Variants in SMARCC1 observed in about 807,000 individuals in gnomAD.
SMARCC1 encodes SWI/SNF complex subunit SMARCC1.
SMARCC1 carries 43 observed loss-of-function variants against 147.4 expected under a neutral mutation model. The ratio of observed to expected loss-of-function variants is 0.29; its 90% CI spans 0.23 to 0.38. SMARCC1 has a LOEUF of 0.38. SMARCC1 is among the 10% of genes least tolerant of loss of function. SMARCC1 has a pLI of 1.00. For synonymous variants in SMARCC1, 495 were observed against 484.4 expected, an observed-to-expected ratio of 1.02 and a Z score of -0.29; for missense variants, 1,119 against 1,381.1, an observed-to-expected ratio of 0.81 and a Z score of 3.01.
intron 27 of SMARCC1, 112 bp downstream of exon 27, chr3:47,590,549 G>A: frequency 1.1e-6 from 1 of 873,228 alleles, no homozygotes; most frequent in Non-Finnish European, 1.6e-6. Context: ...GTCACAGACT[G>A]CATCATCCAT....
chr3:47,678,207 GCACA>G lies in SMARCC1; in HGVS notation c.1558_1561del (p.Cys520LeufsTer2). The G allele has an allele frequency of 6.3e-7, 1 of 1,592,658 alleles. No individual in the cohort carries two copies. Among genetic ancestry groups the G allele is most frequent in the Non-Finnish European group, 8.6e-7 (1 of 1,163,658 alleles). On this transcript the variant is annotated frameshift_variant, in exon 16 of 28. Coordinates refer to ENST00000254480, the MANE Select transcript of SMARCC1 (RefSeq NM_003074.4). LOFTEE classifies it high-confidence loss of function. ...AAGTCAAACAGTTTACCTCATCACA[GCACA>G]CACATCTCCAGTCAAGTTCCTCCGA...
At chr3:47,717,949 G>T (rs1559653237) in intron 7 of SMARCC1, among the ~76,000 whole-genome samples, 1 of 151,612 alleles carries the variant, frequency 6.6e-6, no homozygotes, top group Non-Finnish European at 1.5e-5. Flanking sequence ...AGGCCAGGAG[G>T]TTGAGACCAG....
chr3:47,655,898 G>A (rs1374503111), intron 21 of SMARCC1, among the ~76,000 whole-genome samples: 1 of 152,000 alleles, frequency 6.6e-6, no homozygotes, highest in East Asian at 1.9e-4. Flanking sequence ...AAAAAATGCT[G>A]GGAATATACT....
intron 2 of SMARCC1, among the ~76,000 whole-genome samples, chr3:47,766,756 A>C (rs2034845402): frequency 6.6e-6 from 1 of 152,042 alleles, no homozygotes; most frequent in East Asian, 1.9e-4. Context: ...TTTGTTTCAA[A>C]TCATGTGTTT....
chr3:47,622,192 A>G lies in SMARCC1; in HGVS notation c.2781+15T>C. The G allele has an allele frequency of 6.3e-7, 1 of 1,594,128 alleles. No homozygotes were observed. Among genetic ancestry groups the G allele is most frequent in the South Asian group, 1.2e-5 (1 of 86,222 alleles). On this transcript the variant is annotated intron_variant, in intron 25 of 27. Coordinates refer to ENST00000254480, the MANE Select transcript of SMARCC1 (RefSeq NM_003074.4). Reference sequence around the variant, plus strand: ...TTAATTGTGAAAAAGCCACTAAAAAATTCCAAATACTTACAGCTTCTTTCT... The same window carrying G: ...TTAATTGTGAAAAAGCCACTAAAAAGTTCCAAATACTTACAGCTTCTTTCT...
At chr3:47,654,657 T>A (rs2106726336) in intron 21 of SMARCC1, among the ~76,000 whole-genome samples, 1 of 152,324 alleles carries the variant, frequency 6.6e-6, no homozygotes, top group East Asian at 1.9e-4. Context: ...AGGATTTTGT[T>A]CTGTGTCGCA....
At position 47,587,174 on chromosome 3, in the gene SMARCC1, T is replaced by C. The variant is rs2108220523; in HGVS notation, c.*1035A>G. ...CTGTAACAAGAGGTAGTTTGGGGAC[T>C]TGTACCCCCAGCCATCCTAACCAAG... On this transcript the variant is annotated 3_prime_UTR_variant, in exon 28 of 28. Transcript: ENST00000254480. 1 of 152,720 alleles carries C rather than the reference T, an allele frequency of 6.5e-6. No individual in the cohort carries two copies. Among genetic ancestry groups the C allele is most frequent in the Admixed American group, 6.5e-5 (1 of 15,290 alleles). 9.5% of individuals were successfully genotyped at this position (152,720 alleles called of 1,614,324 possible). A position where few individuals can be genotyped will look rare whatever the true frequency, so the allele number is the denominator to read the frequency against.
intron 24 of SMARCC1, 124 bp downstream of exon 24, chr3:47,635,066 C>T (rs1046853202): frequency 1.7e-5 from 13 of 778,558 alleles, no homozygotes; most frequent in Middle Eastern, 3.8e-4. Context: ...CCTAGAAATG[C>T]CATTCAAGCA....
rs1212910099 is a variant in SMARCC1 at position 47,690,051 on chromosome 3, T to C, written c.1226-627A>G. 2.6e-5 allele frequency among the ~76,000 whole-genome samples: 4 copies of C among 152,276 alleles called. No homozygotes were observed. The East Asian group carries it at 7.7e-4, about 29-fold the overall frequency. ...ACCGCTGGCACTAGGTAAGGCATGA[T>C]GAAGTTCAAAAAGAACATGGGATGC... On this transcript the variant is annotated intron_variant, in intron 12 of 27. Coordinates refer to ENST00000254480, the MANE Select transcript of SMARCC1 (RefSeq NM_003074.4).
intron 5 of SMARCC1, 50 bp downstream of exon 5, chr3:47,735,983 CA>C (rs2034438313): frequency 2.4e-6 from 2 of 829,268 alleles, no homozygotes; most frequent in African/African-American, 3.5e-5. Context: ...CTTACAACTA[CA>C]AAATGAAGTG....
chr3:47,762,709 G>A (rs759121563), intron 2 of SMARCC1, among the ~76,000 whole-genome samples: 12 of 152,076 alleles, frequency 7.9e-5, no homozygotes, highest in Non-Finnish European at 1.5e-4. Context: ...ATCACCTGAG[G>A]TCAGGAGTTT....
At chr3:47,777,520 C>A (rs995401653) in intron 1 of SMARCC1, among the ~76,000 whole-genome samples, 1 of 151,776 alleles carries the variant, frequency 6.6e-6, no homozygotes, top group Non-Finnish European at 1.5e-5. Flanking sequence ...ACAGTAAGAC[C>A]CTGTCTCTAT....
chr3:47,696,612 G>T (rs527880507), intron 11 of SMARCC1, among the ~76,000 whole-genome samples: 15 of 150,630 alleles, frequency 1.0e-4, no homozygotes, highest in Middle Eastern at 3.2e-3. Context: ...TCTGCCTCCC[G>T]AGTTCAAGTG....
intron 24 of SMARCC1, among the ~76,000 whole-genome samples, chr3:47,632,705 G>T (rs1277247375): frequency 2.6e-5 from 4 of 152,114 alleles, no homozygotes; most frequent in Non-Finnish European, 5.9e-5. Flanking sequence ...TGTAAGAAAA[G>T]AATGTCCGAA....
chr3:47,702,756 G>A (rs1001358631), intron 10 of SMARCC1, among the ~76,000 whole-genome samples: 13 of 152,086 alleles, frequency 8.5e-5, no homozygotes, highest in Non-Finnish European at 1.9e-4. Flanking sequence ...ACACCATCAT[G>A]CCCAGACTAT....
chr3:47,683,651 G>C lies in SMARCC1; in HGVS notation c.1385+2398C>G, dbSNP rs192781802. ...GTGGATCACCTGAGGTCAGGAGTTC[G>C]AGACCAGCCTGGTGGTGAGCCGAGA... is the stretch of plus-strand genomic sequence containing the variant. On this transcript the variant is annotated intron_variant, in intron 14 of 27. Transcript: ENST00000254480. 4.0e-3 allele frequency among the ~76,000 whole-genome samples: 600 copies of C among 151,642 alleles called. 5 individuals are homozygous for C. The highest frequency in any genetic ancestry group is 0.013 in the African/African-American group (544 of 41,340).
intron 11 of SMARCC1, among the ~76,000 whole-genome samples, chr3:47,700,607 C>T (rs1422882663): frequency 6.6e-6 from 1 of 152,214 alleles, no homozygotes; most frequent in African/African-American, 2.4e-5. Context: ...CAACCTCCGC[C>T]TCCTGCAACC....
At chr3:47,733,275 C>A (rs1161245632) in intron 5 of SMARCC1, among the ~76,000 whole-genome samples, 2 of 151,892 alleles carry the variant, frequency 1.3e-5, no homozygotes, top group South Asian at 2.1e-4. Flanking sequence ...AGGAGCAGGG[C>A]GGCTGCGGGG....
Position 47,661,329 on chromosome 3 carries a change from A to G in SMARCC1, c.2285T>C (p.Ile762Thr). ...DPTYGLESSCIAGTGPDEPEK... is the reference protein window; with the variant it reads ...DPTYGLESSCTAGTGPDEPEK... Reference sequence around the variant, plus strand: ...TGGCTCATCGGGCCCTGTGCCTGCAATGCAGCTGCTCTCCAGACCGTAGGT... The same window carrying G: ...TGGCTCATCGGGCCCTGTGCCTGCAGTGCAGCTGCTCTCCAGACCGTAGGT... The change falls in exon 21 of 28, where the codon ATT (isoleucine) becomes ACT (threonine). Residue 762 changes from isoleucine (I) to threonine (T), a missense_variant. By Grantham distance (89) the Ile-to-Thr change is moderately conservative. Coordinates refer to ENST00000254480, the MANE Select transcript of SMARCC1 (RefSeq NM_003074.4). 1 of 1,613,512 alleles carries G rather than the reference A, an allele frequency of 6.2e-7. No homozygotes were observed. Among genetic ancestry groups the G allele is most frequent in the Non-Finnish European group, 8.5e-7 (1 of 1,179,858 alleles).
Sources: gnomAD v4.1 joint callset for allele counts (sites outside exome capture counted in the v4.1 genomes callset) on GRCh38, gnomAD v4.1.1 for gene constraint, MANE v1.5 for transcripts, NCBI Gene and HGNC (gene_info 2026-07-23, HGNC 2026-07-21) for gene names.